Variants in SHISA9 observed in about 807,000 individuals in gnomAD.
SHISA9 encodes the protein shisa family member 9.
Under a neutral mutation model 38.0 loss-of-function variants are expected in SHISA9, and 13 were observed. The observed-to-expected ratio is 0.34, with a 90% CI of 0.22 to 0.54. SHISA9 has a LOEUF of 0.54. Ranked by LOEUF, SHISA9 falls within the 20% of genes least tolerant of loss-of-function variation. SHISA9 has a pLI of 0.91. For missense variants in SHISA9, 538 were observed against 575.8 expected (o/e 0.93, Z 0.67); for synonymous variants, 275 against 242.0 (o/e 1.14, Z -1.27).
intron 2 of SHISA9, among the ~76,000 whole-genome samples, chr16:13,029,599 C>T (rs1383042691): frequency 3.9e-5 from 6 of 152,154 alleles, no homozygotes; most frequent in Non-Finnish European, 7.3e-5. Context: ...CAGAATGAGA[C>T]CCTGTCTAAA....
At chr16:13,379,516 G>A in the SHISA9 span, among the ~76,000 whole-genome samples, 1 of 152,286 alleles carries the variant, frequency 6.6e-6, no homozygotes, top group East Asian at 1.9e-4. Context: ...TCTAGGCACT[G>A]GAGGAGGAAT....
chr16:12,906,531 C>G (rs1415070577), intron 1 of SHISA9, among the ~76,000 whole-genome samples: 1 of 152,146 alleles, frequency 6.6e-6, no homozygotes, highest in Non-Finnish European at 1.5e-5. Flanking sequence ...AGAGCAGCCA[C>G]AGTCAGTCAC....
the SHISA9 span, among the ~76,000 whole-genome samples, chr16:13,272,338 C>T: frequency 1.3e-5 from 2 of 152,050 alleles, no homozygotes; most frequent in African/African-American, 2.4e-5. Context: ...ATGACCTTTC[C>T]ACCCCTCTGC....
At chr16:12,956,375 T>C (rs2071835384) in intron 2 of SHISA9, among the ~76,000 whole-genome samples, 1 of 152,182 alleles carries the variant, frequency 6.6e-6, no homozygotes, top group African/African-American at 2.4e-5. Context: ...AATAACACCA[T>C]TTTTATTTGC....
In SHISA9 at chr16:12,998,589, G is replaced by A. The variant is rs532608758; in HGVS notation, c.691+81774G>A. Among the ~76,000 whole-genome samples, 373 of 152,238 alleles carry A rather than the reference G, an allele frequency of 2.5e-3. 1 individual carries two copies. The highest frequency in any genetic ancestry group is 8.4e-3 in the African/African-American group (347 of 41,530). ...CTGTTGGCTAGGCTGGAGTGCAGTG[G>A]TGCGATCGTGGCTCATGGAAATCTC... is the stretch of plus-strand genomic sequence containing the variant. On this transcript the variant is annotated intron_variant, in intron 2 of 4. Transcript: ENST00000558583.
the SHISA9 span, among the ~76,000 whole-genome samples, chr16:13,344,303 T>C: frequency 1.3e-5 from 2 of 152,154 alleles, no homozygotes; most frequent in African/African-American, 4.8e-5. Context: ...ATCATTTAGA[T>C]CTTGGTTTTA....
intron 2 of SHISA9, among the ~76,000 whole-genome samples, chr16:12,962,749 G>A (rs1438088188): frequency 2.0e-5 from 3 of 152,184 alleles, no homozygotes; most frequent in Admixed American, 1.3e-4. Flanking sequence ...TTGTGTTATG[G>A]TGGCCCAAAT....
At chr16:12,927,938 A>C (rs2071414125) in intron 2 of SHISA9, among the ~76,000 whole-genome samples, 1 of 152,218 alleles carries the variant, frequency 6.6e-6, no homozygotes, top group Admixed American at 6.5e-5. Context: ...AAGTTAAAAC[A>C]ATTAGAAGAA....
chr16:13,133,067 A>C (rs1596670898), intron 2 of SHISA9, among the ~76,000 whole-genome samples: 1 of 152,198 alleles, frequency 6.6e-6, no homozygotes, highest in African/African-American at 2.4e-5. Flanking sequence ...GCAAAGAGGA[A>C]TGAGATATTG....
chr16:12,911,347 T>C (rs1300454620), intron 1 of SHISA9: 19 of 985,334 alleles, frequency 1.9e-5, no homozygotes, highest in Non-Finnish European at 2.3e-5. Flanking sequence ...GTTGGTTCTT[T>C]CTACTGTCTA....
chr16:13,523,656 C>A, the SHISA9 span, among the ~76,000 whole-genome samples: 1 of 152,266 alleles, frequency 6.6e-6, no homozygotes, highest in South Asian at 2.1e-4. Flanking sequence ...ACGATCAGAT[C>A]TCACAAGAAT....
rs2072934309 is a variant in SHISA9 at position 13,027,263 on chromosome 16, C to A, written c.691+110448C>A. 3.3e-5 allele frequency among the ~76,000 whole-genome samples: 5 copies of A among 152,142 alleles called. No individual in the cohort carries two copies. In the South Asian group the frequency reaches 1.0e-3, roughly 32 times the overall value. ...TCAATATTCTTTCAGTTATAGGCAG[C>A]AGTAAAAACCATCTCAAACTTCCTT... is the stretch of plus-strand genomic sequence containing the variant. On this transcript the variant is annotated intron_variant, in intron 2 of 4. Coordinates refer to ENST00000558583, the MANE Select transcript of SHISA9 (RefSeq NM_001145204.3).
chr16:12,942,533 TC>T (rs2071624997), intron 2 of SHISA9, among the ~76,000 whole-genome samples: 1 of 152,206 alleles, frequency 6.6e-6, no homozygotes. Flanking sequence ...CTGCAAAGTG[TC>T]AGTTAATGAA....
chr16:13,267,999 A>G, the SHISA9 span, among the ~76,000 whole-genome samples: 3 of 152,182 alleles, frequency 2.0e-5, no homozygotes, highest in Non-Finnish European at 2.9e-5. Flanking sequence ...AAAGGGGCTC[A>G]AAGGGCTTAA....
chr16:13,403,286 C>G, the SHISA9 span, among the ~76,000 whole-genome samples: 1 of 152,186 alleles, frequency 6.6e-6, no homozygotes. Context: ...GCTGCATGAT[C>G]AGAAATAAAC....
At chr16:13,526,311 G>C in the SHISA9 span, among the ~76,000 whole-genome samples, 1 of 152,188 alleles carries the variant, frequency 6.6e-6, no homozygotes, top group African/African-American at 2.4e-5. Flanking sequence ...TTCTCTGTCT[G>C]CCTGTGGTCA....
chr16:12,935,348 C>T (rs1222282132), intron 2 of SHISA9, among the ~76,000 whole-genome samples: 2 of 152,212 alleles, frequency 1.3e-5, no homozygotes, highest in African/African-American at 4.8e-5. Context: ...CCTTAGAATT[C>T]TACCAACATC....
At chr16:13,472,875 C>T in the SHISA9 span, among the ~76,000 whole-genome samples, 8 of 152,148 alleles carry the variant, frequency 5.3e-5, no homozygotes, top group East Asian at 1.9e-4. Flanking sequence ...CTATTTCCCA[C>T]GTATTTATTC....
At chr16:13,406,141 CT>C in the SHISA9 span, among the ~76,000 whole-genome samples, 3 of 152,154 alleles carry the variant, frequency 2.0e-5, no homozygotes, top group East Asian at 5.8e-4. Flanking sequence ...CACTCCTTGA[CT>C]TTTTGCAAAA....
Sources: gnomAD v4.1 joint callset for allele counts (sites outside exome capture counted in the v4.1 genomes callset) on GRCh38, gnomAD v4.1.1 for gene constraint, MANE v1.5 for transcripts, NCBI Gene and HGNC (gene_info 2026-07-23, HGNC 2026-07-21) for gene names.